PALM2AKAP2: variants seen among roughly 807,000 people sequenced by gnomAD.
PALM2AKAP2 encodes the protein PALM2-AKAP2 fusion protein.
Under a neutral mutation model 71.5 loss-of-function variants are expected in PALM2AKAP2, and 37 were observed. That is an observed-to-expected ratio of 0.52 (90% CI 0.40 to 0.68). The LOEUF is 0.68. Among genes scored for constraint, PALM2AKAP2 ranks in the 30% least tolerant of loss-of-function variants. The pLI is 0.00. For synonymous variants in PALM2AKAP2, 468 were observed against 478.8 expected, an observed-to-expected ratio of 0.98 and a Z score of 0.29; for missense variants, 1,224 against 1,191.8, an observed-to-expected ratio of 1.03 and a Z score of -0.40.
intron 1 of PALM2AKAP2, among the ~76,000 whole-genome samples, chr9:110,107,087 G>A (rs977624508): frequency 1.3e-5 from 2 of 152,112 alleles, no homozygotes; most frequent in Non-Finnish European, 2.9e-5. Context: ...TATTCTTATG[G>A]GAGACTTACT....
At chr9:109,665,982 G>A (rs1379385113) in intron 1 of PALM2AKAP2, among the ~76,000 whole-genome samples, 1 of 152,252 alleles carries the variant, frequency 6.6e-6, no homozygotes, top group Non-Finnish European at 1.5e-5. Context: ...CCATGGGTGT[G>A]GGAGGTGCAC....
chr9:109,860,159 C>G (rs1829271600), intron 1 of PALM2AKAP2, among the ~76,000 whole-genome samples: 1 of 152,172 alleles, frequency 6.6e-6, no homozygotes, highest in South Asian at 2.1e-4. Context: ...TACTTGTTAG[C>G]TGGACAGGCG....
intron 1 of PALM2AKAP2, among the ~76,000 whole-genome samples, chr9:109,819,098 A>C (rs1466005234): frequency 6.6e-6 from 1 of 152,212 alleles, no homozygotes; most frequent in African/African-American, 2.4e-5. Flanking sequence ...GTAATGCTGA[A>C]ATATTTGACT....
At chr9:109,937,966 G>A (rs1831268663) in intron 6 of PALM2AKAP2, among the ~76,000 whole-genome samples, 1 of 152,210 alleles carries the variant, frequency 6.6e-6, no homozygotes. Context: ...TGGAGAAGCT[G>A]GAGAGAAGAC....
In PALM2AKAP2 at chr9:110,168,303, T is replaced by C. The variant is rs79624421; in HGVS notation, c.2749-96T>C. On this transcript the variant is annotated intron_variant, in intron 3 of 3. Coordinates refer to ENST00000374525, the Ensembl canonical transcript of PALM2AKAP2. ...TGCTTTATCACTTTCTCCTCTCAAGTTGATAAAGAGAAAGGAAGAAAGAAA... is the reference window on the plus strand; with the variant it reads ...TGCTTTATCACTTTCTCCTCTCAAGCTGATAAAGAGAAAGGAAGAAAGAAA... 1,924 of 1,450,684 alleles carry C rather than the reference T, an allele frequency of 1.3e-3. 24 individuals are homozygous for C. The African/African-American group carries it at 0.025, about 19-fold the overall frequency. The allele number at this position is 1,450,684 out of a possible 1,614,324, so 89.9% of individuals were successfully genotyped here. A position where few individuals can be genotyped will look rare whatever the true frequency, so the allele number is the denominator to read the frequency against.
At chr9:109,727,915 T>C (rs1455814739) in intron 1 of PALM2AKAP2, among the ~76,000 whole-genome samples, 1 of 152,206 alleles carries the variant, frequency 6.6e-6, no homozygotes, top group Non-Finnish European at 1.5e-5. Context: ...TGTAAACACA[T>C]ATTTCAGAGG....
chr9:109,646,097 C>T (rs938362640), intron 1 of PALM2AKAP2, among the ~76,000 whole-genome samples: 1 of 152,186 alleles, frequency 6.6e-6, no homozygotes. Flanking sequence ...GTGACATGCT[C>T]TGTACTGGAT....
intron 1 of PALM2AKAP2, among the ~76,000 whole-genome samples, chr9:109,676,511 T>A (rs1827651288): frequency 6.6e-6 from 1 of 152,208 alleles, no homozygotes; most frequent in Non-Finnish European, 1.5e-5. Context: ...TTTATCATCG[T>A]TGAGACTTTT....
intron 1 of PALM2AKAP2, among the ~76,000 whole-genome samples, chr9:109,773,609 T>A (rs1277644023): frequency 1.3e-5 from 2 of 152,344 alleles, no homozygotes; most frequent in South Asian, 2.1e-4. Context: ...TAGTTAGCTA[T>A]CCCTGTTCCC....
At chr9:109,662,203 G>A (rs1307398308) in intron 1 of PALM2AKAP2, among the ~76,000 whole-genome samples, 2 of 152,072 alleles carry the variant, frequency 1.3e-5, no homozygotes, top group Non-Finnish European at 2.9e-5. Context: ...CCAACACTAT[G>A]TTGAATAGGA....
At chr9:109,685,961 T>G (rs1827800436) in intron 1 of PALM2AKAP2, among the ~76,000 whole-genome samples, 1 of 152,208 alleles carries the variant, frequency 6.6e-6, no homozygotes. Context: ...TTCTGTGATT[T>G]CAACAATGCT....
At chr9:109,721,444 T>C (rs1332394745) in intron 1 of PALM2AKAP2, among the ~76,000 whole-genome samples, 1 of 152,214 alleles carries the variant, frequency 6.6e-6, no homozygotes, top group Non-Finnish European at 1.5e-5. Context: ...CTCCAGGCCT[T>C]CCAACTCCAA....
rs534018806 is a variant in PALM2AKAP2 at position 110,116,375 on chromosome 9, C to T, written c.157-19752C>T. Among the ~76,000 whole-genome samples the T allele has an allele frequency of 4.6e-5, 7 of 151,054 alleles. No individual in the cohort carries two copies. In the South Asian group the frequency reaches 6.3e-4, roughly 14 times the overall value. On this transcript the variant is annotated intron_variant, in intron 1 of 3. Transcript: ENST00000374525. ...GAGCCCGTGTGTGCGTGTGTGTGTG[C>T]GTGTGTGTGTGTGCGCATGTGTGTG...
Position 110,079,797 on chromosome 9 carries a change from C to T in PALM2AKAP2, c.156+30942C>T, listed in dbSNP as rs541076396. On this transcript the variant is annotated intron_variant, in intron 1 of 3. Transcript: ENST00000374525. ...ATTTTTATTAGAAGGTTGCTGGGCACGGTGGCTCACGCCTGTAATCTCACC... is the reference window on the plus strand; with the variant it reads ...ATTTTTATTAGAAGGTTGCTGGGCATGGTGGCTCACGCCTGTAATCTCACC... Among the ~76,000 whole-genome samples, 12 of 152,008 alleles carry T rather than the reference C, an allele frequency of 7.9e-5. No individual in the cohort carries two copies. In the South Asian group the frequency reaches 1.0e-3, roughly 13 times the overall value.
chr9:110,115,658 A>G (rs1835345973), intron 1 of PALM2AKAP2, among the ~76,000 whole-genome samples: 1 of 152,188 alleles, frequency 6.6e-6, no homozygotes, highest in Admixed American at 6.5e-5. Context: ...CTGGCTTCAC[A>G]TGAGGCTTTG....
chr9:109,799,853 C>T (rs1018946735), intron 1 of PALM2AKAP2, among the ~76,000 whole-genome samples: 5 of 152,160 alleles, frequency 3.3e-5, no homozygotes, highest in African/African-American at 1.2e-4. Flanking sequence ...GAAGAAGCAT[C>T]CTCCCCAGCT....
chr9:109,683,394 T>C (rs900547484), intron 1 of PALM2AKAP2, among the ~76,000 whole-genome samples: 10 of 152,074 alleles, frequency 6.6e-5, no homozygotes, highest in African/African-American at 2.2e-4. Flanking sequence ...GAGAAGGTCA[T>C]GTGGAAATGG....
intron 6 of PALM2AKAP2, among the ~76,000 whole-genome samples, chr9:109,994,579 C>T (rs1048540205): frequency 2.0e-5 from 3 of 152,178 alleles, no homozygotes; most frequent in Admixed American, 1.3e-4. Context: ...AACCCCCTCA[C>T]CCCACTCACA....
intron 3 of PALM2AKAP2, among the ~76,000 whole-genome samples, chr9:109,891,637 C>T (rs1212487925): frequency 6.6e-6 from 1 of 152,130 alleles, no homozygotes; most frequent in African/African-American, 2.4e-5. Context: ...ATTACAGGCA[C>T]CCGCCACCAT....
Sources: allele counts gnomAD v4.1 joint callset (sites outside exome capture counted in the v4.1 genomes callset), GRCh38; gene constraint gnomAD v4.1.1; transcripts MANE v1.5; gene names NCBI Gene and HGNC (gene_info 2026-07-23, HGNC 2026-07-21).